Variants in LINC00632 observed in about 807,000 individuals in gnomAD.
The protein encoded by LINC00632 is long independently transcribed non-coding RNA 632, also known as ALDOA related specific transcript.
At chrX:140,719,166 A>C (rs2148377704) in intron 2 of LINC00632, among the ~76,000 whole-genome samples, 1 of 112,364 alleles carries the variant, frequency 8.9e-6, no homozygotes, top group African/African-American at 3.2e-5. Flanking sequence ...AACTTGTTTG[A>C]CAACACAAAT....
chrX:140,771,675 A>ATT (rs1258797034), intron 3 of LINC00632, among the ~76,000 whole-genome samples: 1 of 25,194 alleles, frequency 4.0e-5, no homozygotes. Context: ...GTATATATAT[A>ATT]TATATATATA....
rs3084215 is a variant in LINC00632 at position 140,742,839 on chromosome X, T to TAGAGAGAGAG, written n.191+8906_191+8915dup. Among the ~76,000 whole-genome samples, 141 of 46,904 alleles carry TAGAGAGAGAG rather than the reference T, an allele frequency of 3.0e-3. 11 individuals carry two copies. Among genetic ancestry groups the TAGAGAGAGAG allele is most frequent in the African/African-American group, 7.0e-3 (69 of 9,924 alleles). 40.7% of individuals were successfully genotyped at this position (46,904 alleles called of 115,157 possible). ...GGTAAGGCCTTATGGTAGAAGGTGA[T>TAGAGAGAGAG]AGAGAGAGAGAGAGAGAGAGAGAGA... On this transcript the variant is annotated intron_variant and non_coding_transcript_variant, in intron 3 of 4. Transcript: ENST00000648200.
At chrX:140,771,070 G>C (rs1474736944) in intron 3 of LINC00632, among the ~76,000 whole-genome samples, 1 of 110,978 alleles carries the variant, frequency 9.0e-6, no homozygotes, top group Non-Finnish European at 1.9e-5. Flanking sequence ...ACTTGTGGAT[G>C]GATAGTCAGA....
At chrX:140,771,252 A>G (rs1931784201) in intron 3 of LINC00632, among the ~76,000 whole-genome samples, 1 of 110,707 alleles carries the variant, frequency 9.0e-6, no homozygotes, top group Non-Finnish European at 1.9e-5. Flanking sequence ...TAAATACTTG[A>G]AGCAACTTTA....
chrX:140,749,909 G>T (rs1303557788), intron 3 of LINC00632, among the ~76,000 whole-genome samples: 3 of 110,346 alleles, frequency 2.7e-5, no homozygotes, highest in Admixed American at 9.8e-5. Context: ...GCCCAGGCTG[G>T]TCTCAAACTC....
chrX:140,776,595 G>A (rs1456504144), exon 5 of LINC00632, among the ~76,000 whole-genome samples: 2 of 112,516 alleles, frequency 1.8e-5, no homozygotes, highest in East Asian at 5.6e-4. Context: ...CGCATCCGCC[G>A]CGCGTTAGGC....
At chrX:140,715,372 A>C (rs1047784386) in intron 2 of LINC00632, among the ~76,000 whole-genome samples, 2 of 111,477 alleles carry the variant, frequency 1.8e-5, no homozygotes, top group African/African-American at 6.5e-5. Flanking sequence ...AGGCGGGCGG[A>C]TCACAAGGTC....
At chrX:140,765,673 C>G (rs1180545234) in intron 3 of LINC00632, among the ~76,000 whole-genome samples, 8 of 110,903 alleles carry the variant, frequency 7.2e-5, no homozygotes, top group African/African-American at 2.3e-4. Context: ...ACTTAGGAAG[C>G]ACCATTTACC....
exon 5 of LINC00632, among the ~76,000 whole-genome samples, chrX:140,786,805 A>C (rs1360498479): frequency 8.9e-6 from 1 of 111,807 alleles, no homozygotes; most frequent in African/African-American, 3.2e-5. Flanking sequence ...TGATTAAGTA[A>C]ATGTGCCATG....
In LINC00632 at chrX:140,735,985, A is replaced by G. The variant is rs183208206; in HGVS notation, n.191+2021A>G. Among the ~76,000 whole-genome samples the G allele has an allele frequency of 3.1e-3, 343 of 111,966 alleles. 2 individuals carry two copies. The highest frequency in any genetic ancestry group is 0.011 in the African/African-American group (328 of 30,884). On this transcript the variant is annotated intron_variant and non_coding_transcript_variant, in intron 3 of 4. Transcript: ENST00000648200. ...CAGTATTCATATAAAAATAATCAAC[A>G]AAATCAGATTTACTTTCAGAAAAAG...
chrX:140,738,794 T>C lies in LINC00632; in HGVS notation n.191+4830T>C, dbSNP rs1007051118. 4.4e-5 allele frequency among the ~76,000 whole-genome samples: 5 copies of C among 112,370 alleles called. No homozygotes were observed. The South Asian group carries it at 1.8e-3, about 41-fold the overall frequency. Reference sequence around the variant, plus strand: ...TAATTTTACCTGATTTTTAGACTTTTAAAAAATGTTGCAACAAGAAAATTT... The same window carrying C: ...TAATTTTACCTGATTTTTAGACTTTCAAAAAATGTTGCAACAAGAAAATTT... On this transcript the variant is annotated intron_variant and non_coding_transcript_variant, in intron 3 of 4. Transcript: ENST00000648200.
At chrX:140,718,482 G>A (rs1367126865) in intron 2 of LINC00632, among the ~76,000 whole-genome samples, 3 of 104,499 alleles carry the variant, frequency 2.9e-5, no homozygotes, top group East Asian at 3.1e-4. Flanking sequence ...GCGTGATCTC[G>A]GCTTATTGCA....
intron 2 of LINC00632, among the ~76,000 whole-genome samples, chrX:140,732,332 T>C (rs546255688): frequency 4.2e-4 from 47 of 112,204 alleles, no homozygotes; most frequent in Middle Eastern, 4.6e-3. Context: ...ATGCCATGTA[T>C]ACCCACACAG....
chrX:140,787,806 C>T (rs1359374574), exon 5 of LINC00632, among the ~76,000 whole-genome samples: 3 of 110,557 alleles, frequency 2.7e-5, no homozygotes, highest in South Asian at 3.7e-4. Context: ...ACAAAAAATA[C>T]GTATAATATT....
chrX:140,723,685 CACAT>C (rs1288019729), intron 2 of LINC00632, among the ~76,000 whole-genome samples: 15 of 338 alleles, frequency 0.044, 1 homozygote, highest in Admixed American at 0.1. Flanking sequence ...TCCATACACA[CACAT>C]AGACACACAT....
exon 5 of LINC00632, among the ~76,000 whole-genome samples, chrX:140,778,701 A>C (rs1042782100): frequency 5.4e-5 from 6 of 110,760 alleles, no homozygotes; most frequent in Non-Finnish European, 9.4e-5. Flanking sequence ...ATTTATTTTG[A>C]CCAGAATTAG....
Position 140,744,970 on chromosome X carries a change from C to T in LINC00632, n.191+11006C>T, listed in dbSNP as rs929723337. Among the ~76,000 whole-genome samples, 20 of 110,255 alleles carry T rather than the reference C, an allele frequency of 1.8e-4. 1 individual carries two copies. Among genetic ancestry groups the T allele is most frequent in the Non-Finnish European group, 3.0e-4 (16 of 52,885 alleles). ...AACCAAGAGAGGCCACACCTGTCAGCGAAGGTAGGTTGAAAGCTAAGCAAT... is the reference window on the plus strand; with the variant it reads ...AACCAAGAGAGGCCACACCTGTCAGTGAAGGTAGGTTGAAAGCTAAGCAAT... On this transcript the variant is annotated intron_variant and non_coding_transcript_variant, in intron 3 of 4. Coordinates refer to ENST00000648200, the Ensembl canonical transcript of LINC00632.
At chrX:140,767,478 T>C (rs1204135195) in intron 3 of LINC00632, among the ~76,000 whole-genome samples, 1 of 112,045 alleles carries the variant, frequency 8.9e-6, no homozygotes, top group East Asian at 2.8e-4. Context: ...CATTTGCATA[T>C]AATATTGCTT....
chrX:140,736,888 TCTTTTTC>T, intron 3 of LINC00632, among the ~76,000 whole-genome samples: 1 of 108,088 alleles, frequency 9.3e-6, no homozygotes, highest in Non-Finnish European at 1.9e-5. Context: ...TTTTCTTTTT[TCTTTTTC>T]TTTTCTTTTT....
Sources: allele counts gnomAD v4.1 joint callset (sites outside exome capture counted in the v4.1 genomes callset), GRCh38; gene constraint gnomAD v4.1.1; transcripts MANE v1.5; gene names NCBI Gene and HGNC (gene_info 2026-07-23, HGNC 2026-07-21).